RBMS3: variants seen among roughly 807,000 people sequenced by gnomAD.
RBMS3 encodes the protein RNA-binding motif, single-stranded-interacting protein 3.
Under a neutral mutation model 66.8 loss-of-function variants are expected in RBMS3, and 27 were observed. The observed-to-expected ratio is 0.40, with a 90% CI of 0.30 to 0.56. RBMS3 has a LOEUF of 0.56. Ranked by LOEUF, RBMS3 falls within the 20% of genes least tolerant of loss-of-function variation. The probability of loss-of-function intolerance (pLI) is 0.40; values close to 1 mark genes in which losing one functional copy is unlikely to be tolerated. For missense variants in RBMS3, 513 were observed against 549.5 expected (o/e 0.93, Z 0.66); for synonymous variants, 188 against 183.0 (o/e 1.03, Z -0.22).
chr3:29,978,837 G>T (rs919622380), intron 12 of RBMS3, among the ~76,000 whole-genome samples: 12 of 151,968 alleles, frequency 7.9e-5, no homozygotes, highest in Non-Finnish European at 1.8e-4. Flanking sequence ...CTGAATACTA[G>T]GTCAGAAGAA....
At position 29,884,469 on chromosome 3, in the gene RBMS3, T is replaced by TCTCTCTCTCC. The variant is rs1553692501; in HGVS notation, c.791+262_791+263insTCTCTCTCCC. 8.3e-4 allele frequency among the ~76,000 whole-genome samples: 55 copies of TCTCTCTCTCC among 66,330 alleles called. 1 individual carries two copies. The highest frequency in any genetic ancestry group is 2.7e-3 in the African/African-American group (52 of 19,036). The allele number at this position is 66,330 out of a possible 152,430, so 43.5% of individuals were successfully genotyped here. A position where few individuals can be genotyped will look rare whatever the true frequency, so the allele number is the denominator to read the frequency against. ...CTCTCTCTCTCTCTCTCTCTCTCTC[T>TCTCTCTCTCC]CCCCCCCCGCTCCCTCCCTCCCTCC... is the stretch of plus-strand genomic sequence containing the variant. On this transcript the variant is annotated intron_variant, in intron 8 of 14. Coordinates refer to ENST00000383767, the MANE Select transcript of RBMS3 (RefSeq NM_001003793.3).
chr3:29,502,783 A>G (rs931521755), intron 3 of RBMS3, among the ~76,000 whole-genome samples: 1 of 152,158 alleles, frequency 6.6e-6, no homozygotes, highest in Non-Finnish European at 1.5e-5. Context: ...AGTTAAATAA[A>G]TTTTAAGTGG....
intron 1 of RBMS3, among the ~76,000 whole-genome samples, chr3:29,416,523 C>G (rs2040483577): frequency 7.3e-6 from 1 of 136,456 alleles, no homozygotes; most frequent in Non-Finnish European, 1.6e-5. Context: ...TCTTTTCACA[C>G]TAGTTTCCCT....
intron 6 of RBMS3, among the ~76,000 whole-genome samples, chr3:29,763,441 C>T (rs1364351443): frequency 2.0e-5 from 3 of 151,944 alleles, no homozygotes; most frequent in Non-Finnish European, 4.4e-5. Context: ...ACTAGTATAG[C>T]GATTTGACAA....
intron 3 of RBMS3, among the ~76,000 whole-genome samples, chr3:29,553,745 C>T (rs896313636): frequency 6.6e-6 from 1 of 150,912 alleles, no homozygotes; most frequent in African/African-American, 2.4e-5. Flanking sequence ...ATAGATCTCC[C>T]AGGCTCAGAT....
chr3:29,860,653 C>T (rs1292334639), intron 6 of RBMS3, among the ~76,000 whole-genome samples: 1 of 152,080 alleles, frequency 6.6e-6, no homozygotes, highest in Non-Finnish European at 1.5e-5. Context: ...GACCACTTTG[C>T]CAGGAGCAAA....
chr3:29,659,391 C>T (rs990586993), intron 4 of RBMS3, among the ~76,000 whole-genome samples: 1 of 152,068 alleles, frequency 6.6e-6, no homozygotes, highest in Admixed American at 6.6e-5. Flanking sequence ...TCCCTATTCC[C>T]CCATTCCCCA....
chr3:29,719,873 C>T (rs1159174910), intron 4 of RBMS3, among the ~76,000 whole-genome samples: 1 of 152,196 alleles, frequency 6.6e-6, no homozygotes, highest in Non-Finnish European at 1.5e-5. Context: ...ATTACAACAG[C>T]TTCCCACCTA....
chr3:29,403,626 A>G (rs2039899269), intron 1 of RBMS3, among the ~76,000 whole-genome samples: 1 of 152,116 alleles, frequency 6.6e-6, no homozygotes, highest in South Asian at 2.1e-4. Context: ...AACTGTCGGA[A>G]TCACTGGAAA....
At chr3:29,700,677 T>C (rs1203327332) in intron 4 of RBMS3, among the ~76,000 whole-genome samples, 1 of 147,844 alleles carries the variant, frequency 6.8e-6, no homozygotes, top group African/African-American at 2.7e-5. Flanking sequence ...TCAGACTTTT[T>C]TTTTTTTTCA....
intron 1 of RBMS3, among the ~76,000 whole-genome samples, chr3:29,400,891 C>A (rs533778737): frequency 6.6e-6 from 1 of 152,076 alleles, no homozygotes; most frequent in South Asian, 2.1e-4. Context: ...AGACTGTAAA[C>A]AGGAGATTTT....
At chr3:29,413,405 CATACATACATACAT>C (rs2040356826) in intron 1 of RBMS3, among the ~76,000 whole-genome samples, 1 of 151,180 alleles carries the variant, frequency 6.6e-6, no homozygotes, top group Admixed American at 6.6e-5. Flanking sequence ...TACATACATA[CATACATACATACAT>C]ACATACACAG....
intron 3 of RBMS3, among the ~76,000 whole-genome samples, chr3:29,585,213 A>G (rs1026497288): frequency 6.6e-6 from 1 of 152,158 alleles, no homozygotes; most frequent in Non-Finnish European, 1.5e-5. Context: ...GTAAGGTACA[A>G]GGTGGTTCCC....
intron 6 of RBMS3, among the ~76,000 whole-genome samples, chr3:29,792,933 T>C (rs2057059703): frequency 6.6e-6 from 1 of 152,142 alleles, no homozygotes; most frequent in African/African-American, 2.4e-5. Flanking sequence ...TGAACTATAA[T>C]TGAAATTCCT....
intron 2 of RBMS3, among the ~76,000 whole-genome samples, chr3:29,483,931 C>G (rs897344087): frequency 1.3e-5 from 2 of 152,180 alleles, no homozygotes; most frequent in Non-Finnish European, 2.9e-5. Context: ...GTAAAGTTTA[C>G]TTGGTGTGGA....
intron 1 of RBMS3, among the ~76,000 whole-genome samples, chr3:29,351,784 C>T (rs1238405222): frequency 6.6e-6 from 1 of 151,910 alleles, no homozygotes; most frequent in Non-Finnish European, 1.5e-5. Flanking sequence ...TACTTAAACA[C>T]CTTTCCCACC....
At chr3:29,957,268 A>G (rs1336993901) in intron 12 of RBMS3, among the ~76,000 whole-genome samples, 3 of 152,112 alleles carry the variant, frequency 2.0e-5, no homozygotes, top group Non-Finnish European at 4.4e-5. Context: ...GAGACTATTC[A>G]TATTTACCTT....
chr3:29,392,951 A>G (rs757801985), intron 1 of RBMS3, among the ~76,000 whole-genome samples: 12 of 151,866 alleles, frequency 7.9e-5, no homozygotes, highest in Non-Finnish European at 1.8e-4. Context: ...CCCTGTTACA[A>G]TTTTTCACCT....
At chr3:29,556,478 C>G (rs1469956741) in intron 3 of RBMS3, 1 of 152,530 alleles carries the variant, frequency 6.6e-6, no homozygotes, top group African/African-American at 2.4e-5. Context: ...TGGCGGGCAC[C>G]TGTAGTCCCA....
Sources: allele counts gnomAD v4.1 joint callset (sites outside exome capture counted in the v4.1 genomes callset), GRCh38; gene constraint gnomAD v4.1.1; transcripts MANE v1.5; gene names NCBI Gene and HGNC (gene_info 2026-07-23, HGNC 2026-07-21).